NTNG1: variants seen among roughly 807,000 people sequenced by gnomAD.
NTNG1 encodes netrin-G1.
In NTNG1, 16 loss-of-function variants were observed where a neutral mutation model predicts 54.0. The ratio of observed to expected loss-of-function variants is 0.30; its 90% confidence interval spans 0.20 to 0.45. The LOEUF (loss-of-function observed/expected upper bound fraction) is 0.45, where lower values mean the gene tolerates loss of function less well. Ranked by LOEUF, NTNG1 falls within the 20% of genes least tolerant of loss-of-function variation. The pLI, the probability that NTNG1 is intolerant of heterozygous loss-of-function variation, is 1.00. For synonymous variants in NTNG1, 255 were observed against 263.1 expected (o/e 0.97, Z 0.30); for missense variants, 530 against 678.7 (o/e 0.78, Z 2.43).
chr1:107,420,512 A>G (rs1674507638), intron 5 of NTNG1, among the ~76,000 whole-genome samples: 1 of 152,048 alleles, frequency 6.6e-6, no homozygotes, highest in Admixed American at 6.6e-5. Flanking sequence ...TGCCATTAAC[A>G]AGCTGATATC....
intron 2 of NTNG1, among the ~76,000 whole-genome samples, chr1:107,312,541 A>C (rs988856681): frequency 1.2e-4 from 19 of 152,170 alleles, no homozygotes; most frequent in African/African-American, 4.6e-4. Context: ...GCTGGAATTC[A>C]AACTTAGGAA....
At chr1:107,352,504 C>T (rs1179033860) in intron 3 of NTNG1, among the ~76,000 whole-genome samples, 1 of 152,178 alleles carries the variant, frequency 6.6e-6, no homozygotes, top group Non-Finnish European at 1.5e-5. Flanking sequence ...CACATTTCCC[C>T]TCTGTGATAA....
At chr1:107,246,307 C>G (rs1662196594) in intron 2 of NTNG1, among the ~76,000 whole-genome samples, 1 of 151,990 alleles carries the variant, frequency 6.6e-6, no homozygotes, top group African/African-American at 2.4e-5. Context: ...CCCACCTCGG[C>G]CTCCAAAAGT....
chr1:107,299,933 T>C (rs931864105), intron 2 of NTNG1, among the ~76,000 whole-genome samples: 1 of 152,138 alleles, frequency 6.6e-6, no homozygotes, highest in African/African-American at 2.4e-5. Context: ...ACAGATACAG[T>C]ACATTTTAAA....
rs117824607 is a variant in NTNG1 at position 107,236,215 on chromosome 1, G to A, written c.246+87376G>A. On this transcript the variant is annotated intron_variant, in intron 2 of 7. Transcript: ENST00000370068. ...GTGAAATAATTACAGTGGACTTCTG[G>A]TCAGAAATTATTCAAGCAGGAAGAG... 3.8e-4 allele frequency among the ~76,000 whole-genome samples: 58 copies of A among 152,232 alleles called. No individual in the cohort carries two copies. The East Asian group carries it at 0.011, about 28-fold the overall frequency.
chr1:107,420,933 C>A (rs1275109162), intron 5 of NTNG1: 1 of 616,050 alleles, frequency 1.6e-6, no homozygotes, highest in African/African-American at 1.8e-5. Context: ...ACAAGCCTTA[C>A]TTTGTGATTG....
At chr1:107,248,312 A>T (rs1470194010) in intron 2 of NTNG1, among the ~76,000 whole-genome samples, 1 of 152,212 alleles carries the variant, frequency 6.6e-6, no homozygotes, top group African/African-American at 2.4e-5. Flanking sequence ...CGATGATGGC[A>T]GTGGCAGCAT....
intron 3 of NTNG1, among the ~76,000 whole-genome samples, chr1:107,381,004 A>G (rs537722897): frequency 1.0e-3 from 158 of 152,282 alleles, no homozygotes; most frequent in African/African-American, 3.5e-3. Flanking sequence ...TTGTTCATCA[A>G]TGGTTCAATG....
rs892112218 is a variant in NTNG1 at position 107,439,854 on chromosome 1, T to C, written c.1390+3055T>C. Among the ~76,000 whole-genome samples, 3 of 152,012 alleles carry C rather than the reference T, an allele frequency of 2.0e-5. No individual in the cohort carries two copies. In the Middle Eastern group the frequency reaches 0.01, roughly 517 times the overall value. ...GTTGATGTGCATTCTGATTAGTTGGTGCTGGAAGGTTGATAATTTTTTTTT... is the reference window on the plus strand; with the variant it reads ...GTTGATGTGCATTCTGATTAGTTGGCGCTGGAAGGTTGATAATTTTTTTTT... On this transcript the variant is annotated intron_variant, in intron 7 of 7. Transcript: ENST00000370068.
intron 2 of NTNG1, among the ~76,000 whole-genome samples, chr1:107,211,766 A>C (rs886802262): frequency 6.6e-6 from 1 of 152,178 alleles, no homozygotes; most frequent in African/African-American, 2.4e-5. Flanking sequence ...CATGCCCATA[A>C]ATTTAATTAA....
At chr1:107,174,486 C>A (rs1240490653) in intron 2 of NTNG1, among the ~76,000 whole-genome samples, 1 of 151,966 alleles carries the variant, frequency 6.6e-6, no homozygotes, top group Non-Finnish European at 1.5e-5. Context: ...CTGTAGAAGC[C>A]ATTAGGTTAC....
At chr1:107,305,688 G>A (rs1186257268) in intron 2 of NTNG1, among the ~76,000 whole-genome samples, 1 of 151,958 alleles carries the variant, frequency 6.6e-6, no homozygotes, top group Non-Finnish European at 1.5e-5. Flanking sequence ...CATTCTGTAG[G>A]TTGCCTGTTC....
chr1:107,261,725 C>T (rs981510406), intron 2 of NTNG1, among the ~76,000 whole-genome samples: 25 of 152,138 alleles, frequency 1.6e-4, no homozygotes, highest in Admixed American at 1.6e-3. Flanking sequence ...TGCCTGTAGT[C>T]CCAGCTACTC....
intron 2 of NTNG1, among the ~76,000 whole-genome samples, chr1:107,164,600 C>A (rs1234452109): frequency 6.6e-6 from 1 of 152,064 alleles, no homozygotes; most frequent in Non-Finnish European, 1.5e-5. Context: ...ATAAACACTT[C>A]AAAGAAGAAA....
At chr1:107,352,965 G>A (rs141850488) in intron 3 of NTNG1, among the ~76,000 whole-genome samples, 2,886 of 152,332 alleles carry the variant, frequency 0.019, 40 homozygotes, top group South Asian at 0.047. Flanking sequence ...AAGGTGGTGG[G>A]GCACTGGGCC....
chr1:107,199,974 T>C (rs1431997417), intron 2 of NTNG1, among the ~76,000 whole-genome samples: 1 of 151,902 alleles, frequency 6.6e-6, no homozygotes, highest in Non-Finnish European at 1.5e-5. Flanking sequence ...ATCTAGAATC[T>C]TTCAGCACCA....
At chr1:107,467,914 AT>A (rs1677711031) in intron 7 of NTNG1, among the ~76,000 whole-genome samples, 1 of 152,210 alleles carries the variant, frequency 6.6e-6, no homozygotes, top group South Asian at 2.1e-4. Flanking sequence ...CATTCTCGTG[AT>A]TCCATAATGT....
At chr1:107,461,968 G>T (rs1188918763) in intron 7 of NTNG1, among the ~76,000 whole-genome samples, 3 of 152,188 alleles carry the variant, frequency 2.0e-5, no homozygotes, top group African/African-American at 7.2e-5. Context: ...GAAAGGGCAA[G>T]GTTTGTAATT....
intron 2 of NTNG1, among the ~76,000 whole-genome samples, chr1:107,268,541 T>C (rs1252218747): frequency 6.6e-6 from 1 of 151,930 alleles, no homozygotes; most frequent in Non-Finnish European, 1.5e-5. Flanking sequence ...CCCAACCTCT[T>C]AAGGTACACT....
Sources: gnomAD v4.1 joint callset for allele counts (sites outside exome capture counted in the v4.1 genomes callset) on GRCh38, gnomAD v4.1.1 for gene constraint, MANE v1.5 for transcripts, NCBI Gene and HGNC (gene_info 2026-07-23, HGNC 2026-07-21) for gene names.